Variants in UNKL observed in about 807,000 individuals in gnomAD.
UNKL encodes unk like zinc finger.
A neutral mutation model predicts 78.0 loss-of-function variants in UNKL; 60 were observed. That is an observed-to-expected ratio of 0.77 (90% CI 0.63 to 0.95). UNKL has a LOEUF of 0.95. UNKL is among the 40% of genes least tolerant of loss of function. UNKL has a pLI of 0.00. For missense variants in UNKL, 1,159 were observed against 1,045.7 expected, an observed-to-expected ratio of 1.11 and a Z score of -1.49; for synonymous variants, 608 against 474.8, an observed-to-expected ratio of 1.28 and a Z score of -3.65.
Position 1,380,980 on chromosome 16 carries a change from A to G in UNKL, c.1264+4228T>C, listed in dbSNP as rs2036585314. On this transcript the variant is annotated intron_variant, in intron 10 of 14. Coordinates refer to ENST00000389221, the MANE Select transcript of UNKL (RefSeq NM_001372107.1). The stretch of plus-strand genomic sequence containing the variant: ...GTGAGCCACTGCTCACGGCTCAGGA[A>G]ATATTTAAGTAAATGAAAGAGTGTG... 2.0e-5 allele frequency among the ~76,000 whole-genome samples: 3 copies of G among 152,232 alleles called. No homozygotes were observed. In the South Asian group the frequency reaches 6.2e-4, roughly 32 times the overall value.
chr16:1,399,318 G>C lies in UNKL; in HGVS notation c.734+56C>G. The C allele has an allele frequency of 6.7e-7, 1 of 1,492,898 alleles. No homozygotes were observed. Among genetic ancestry groups the C allele is most frequent in the Non-Finnish European group, 8.9e-7 (1 of 1,122,656 alleles). The allele number at this position is 1,492,898 out of a possible 1,614,324, so 92.5% of individuals were successfully genotyped here. On this transcript the variant is annotated intron_variant, in intron 5 of 14. Transcript: ENST00000389221. The surrounding 1 kb of genome is among the most constrained non-coding windows in gnomAD (Gnocchi z 5.8). ...CCCGGGGTGGGCAACGCGAGCCACGGGCCGGGAAGGACGCCCACCAGCCGG... is the reference window on the plus strand; with the variant it reads ...CCCGGGGTGGGCAACGCGAGCCACGCGCCGGGAAGGACGCCCACCAGCCGG...
chr16:1,379,538 G>A, intron 10 of UNKL: 3 of 985,248 alleles, frequency 3.0e-6, no homozygotes, highest in South Asian at 4.7e-5. Context: ...CGCACCTGGC[G>A]GGGGGCGCAC....
chr16:1,377,327 G>GC (rs1490438530), intron 10 of UNKL, among the ~76,000 whole-genome samples: 2 of 151,832 alleles, frequency 1.3e-5, no homozygotes, highest in African/African-American at 2.4e-5. Context: ...AGCCTCAAAT[G>GC]CAACTTTCAG....
intron 10 of UNKL, among the ~76,000 whole-genome samples, chr16:1,382,309 G>A (rs772049143): frequency 1.2e-4 from 18 of 152,348 alleles, no homozygotes; most frequent in Non-Finnish European, 2.4e-4. Context: ...AAAACAGGCC[G>A]GAGGGCGGAA....
At chr16:1,379,499 T>C in intron 10 of UNKL, 1 of 985,220 alleles carries the variant, frequency 1.0e-6, no homozygotes, top group South Asian at 4.7e-5. Flanking sequence ...ACCCCGCGGC[T>C]GTCACACCCG....
At chr16:1,398,846 G>A (rs2037389785) in intron 5 of UNKL, 1 of 1,567,968 alleles carries the variant, frequency 6.4e-7, no homozygotes, top group Non-Finnish European at 8.6e-7. Flanking sequence ...TGGGGCTCAG[G>A]CGGTGGAGGA....
intron 5 of UNKL, chr16:1,398,484 T>G (rs1351624984): frequency 8.2e-7 from 1 of 1,217,632 alleles, no homozygotes; most frequent in African/African-American, 1.6e-5. Flanking sequence ...AGAGGGAGAC[T>G]GAACGTGGCA....
intron 2 of UNKL, chr16:1,412,107 C>A (rs1471111943): frequency 6.6e-6 from 1 of 152,132 alleles, no homozygotes; most frequent in African/African-American, 2.4e-5. Flanking sequence ...CACCCTCCGC[C>A]CTCCACCCTC....
chr16:1,392,881 G>A lies in UNKL; in HGVS notation c.1023+10C>T, dbSNP rs766172637. On this transcript the variant is annotated intron_variant, in intron 8 of 14. Transcript: ENST00000389221. ...CACTGGGCATTGTCCTGGGAAGGCC[G>A]TTCACTTACATTTCCCGGCTGGCCG... The A allele has an allele frequency of 5.3e-5, 82 of 1,550,410 alleles. No individual in the cohort carries two copies. The highest frequency in any genetic ancestry group is 2.7e-4 in the African/African-American group (20 of 73,064).
intron 2 of UNKL, chr16:1,408,859 GCTCT>G (rs1246364838): frequency 6.6e-6 from 1 of 152,226 alleles, no homozygotes; most frequent in South Asian, 2.1e-4. Context: ...AAGGGTCTCT[GCTCT>G]CTGATACACA....
At chr16:1,401,523 G>GGGGGGGCCCC in intron 4 of UNKL, 45 bp downstream of exon 4, 1 of 1,470,302 alleles carries the variant, frequency 6.8e-7, no homozygotes, top group Non-Finnish European at 9.1e-7. Flanking sequence ...CTCGCGCTGT[G>GGGGGGGCCCC]CCCGCCCCCC....
chr16:1,363,550 C>A lies in UNKL; in HGVS notation c.*2690G>T, dbSNP rs2035001137. On this transcript the variant is annotated 3_prime_UTR_variant, in exon 15 of 15. Transcript: ENST00000389221. ...AGTTACAGACGACAGGCAACAAGAA[C>A]ATGCAGAGCCGGCCGCCAGCCAGCT... The A allele has an allele frequency of 4.2e-6, 1 of 236,860 alleles. No individual in the cohort carries two copies. Among genetic ancestry groups the A allele is most frequent in the Non-Finnish European group, 8.5e-6 (1 of 117,482 alleles). The allele number at this position is 236,860 out of a possible 1,614,324, so 14.7% of individuals were successfully genotyped here.
rs769091569 is a variant in UNKL at position 1,395,791 on chromosome 16, A to AC, written c.852+1386dup. 4 of 456,022 alleles carry AC rather than the reference A, an allele frequency of 8.8e-6. No homozygotes were observed. The East Asian group carries it at 2.8e-4, about 32-fold the overall frequency. 28.2% of individuals were successfully genotyped at this position (456,022 alleles called of 1,614,324 possible). ...TGACTGAACACAGAAAACGCCCCGG[A>AC]CACCGGACTCCCGACAGGCCCCTGG... On this transcript the variant is annotated intron_variant, in intron 6 of 14. Coordinates refer to ENST00000389221, the MANE Select transcript of UNKL (RefSeq NM_001372107.1).
intron 8 of UNKL, among the ~76,000 whole-genome samples, chr16:1,390,947 T>C (rs1307062559): frequency 5.9e-5 from 9 of 152,130 alleles, no homozygotes; most frequent in East Asian, 5.8e-4. Flanking sequence ...AGAAAATCGC[T>C]TGAACCCAGG....
intron 5 of UNKL, chr16:1,398,264 G>A (rs985829138): frequency 2.0e-6 from 2 of 983,314 alleles, no homozygotes; most frequent in African/African-American, 1.8e-5. Context: ...GCCACAGAGT[G>A]AGACTCTGTC....
In UNKL at chr16:1,399,088, G is replaced by C; in HGVS notation, c.734+286C>G. On this transcript the variant is annotated intron_variant, in intron 5 of 14. Transcript: ENST00000389221. The surrounding 1 kb of genome is among the most constrained non-coding windows in gnomAD (Gnocchi z 5.8). ...CACACGGGGGTCCCAGCTGGGCTTGGGGTCCCTCCTGCAGTGCTCCGTCCC... is the reference window on the plus strand; with the variant it reads ...CACACGGGGGTCCCAGCTGGGCTTGCGGTCCCTCCTGCAGTGCTCCGTCCC... 1 of 1,289,368 alleles carries C rather than the reference G, an allele frequency of 7.8e-7. No individual in the cohort carries two copies. The highest frequency in any genetic ancestry group is 1.0e-6 in the Non-Finnish European group (1 of 966,918). 79.9% of individuals were successfully genotyped at this position (1,289,368 alleles called of 1,614,324 possible). A position where few individuals can be genotyped will look rare whatever the true frequency, so the allele number is the denominator to read the frequency against.
rs113302050 is a variant in UNKL at position 1,381,955 on chromosome 16, C to T, written c.1264+3253G>A. ...AAGACCCTGTCTTAAAAAATAAAAC[C>T]CCAAAATGAACAAAAACAAACTCAG... On this transcript the variant is annotated intron_variant, in intron 10 of 14. Transcript: ENST00000389221. Among the ~76,000 whole-genome samples the T allele has an allele frequency of 1.7e-3, 257 of 152,164 alleles. 3 individuals carry two copies. Among genetic ancestry groups the T allele is most frequent in the African/African-American group, 5.4e-3 (222 of 41,484 alleles).
chr16:1,409,191 C>T (rs1360596334), intron 2 of UNKL, among the ~76,000 whole-genome samples: 2 of 152,160 alleles, frequency 1.3e-5, no homozygotes, highest in Non-Finnish European at 2.9e-5. Flanking sequence ...GGATTACAGG[C>T]GTGAGCCACC....
chr16:1,393,169 T>G (rs965719508), intron 7 of UNKL, among the ~76,000 whole-genome samples, 193 bp from the exon 8 acceptor site: 1 of 152,190 alleles, frequency 6.6e-6, no homozygotes. Context: ...TTAGACCAGT[T>G]TTTCATGTTT....
Sources: gnomAD v4.1 joint callset for allele counts (sites outside exome capture counted in the v4.1 genomes callset) on GRCh38, gnomAD v4.1.1 for gene constraint, Gnocchi (gnomAD v3.1) non-coding constraint, MANE v1.5 for transcripts, NCBI Gene and HGNC (gene_info 2026-07-23, HGNC 2026-07-21) for gene names.